Variants in CSMD3 observed in about 807,000 individuals in gnomAD.
CSMD3 encodes CUB and sushi domain-containing protein 3.
CSMD3 carries 177 observed loss-of-function variants against 435.2 expected under a neutral mutation model. The ratio of observed to expected loss-of-function variants is 0.41; its 90% CI spans 0.36 to 0.46. The LOEUF (loss-of-function observed/expected upper bound fraction) is 0.46. CSMD3 is among the 20% of genes least tolerant of loss of function. The pLI, the probability that CSMD3 is intolerant of heterozygous loss-of-function variation, is 0.34. For synonymous variants in CSMD3, 1,656 were observed against 1,520.5 expected (o/e 1.09, Z -2.07); for missense variants, 4,265 against 4,504.6 (o/e 0.95, Z 1.52).
chr8:112,621,708 T>A (rs923603150), intron 22 of CSMD3, among the ~76,000 whole-genome samples: 3 of 152,184 alleles, frequency 2.0e-5, no homozygotes, highest in Non-Finnish European at 4.4e-5. Context: ...CTCTTCTCAG[T>A]CTCCTTTGCT....
At chr8:113,416,886 T>A (rs2094584124) in intron 1 of CSMD3, among the ~76,000 whole-genome samples, 2 of 152,102 alleles carry the variant, frequency 1.3e-5, no homozygotes, top group Admixed American at 1.3e-4. Flanking sequence ...AAAGCCGTCA[T>A]AAACTGACAT....
intron 5 of CSMD3, among the ~76,000 whole-genome samples, chr8:113,027,579 T>C (rs2086921255): frequency 6.6e-6 from 1 of 152,146 alleles, no homozygotes; most frequent in Admixed American, 6.5e-5. Context: ...GACACAGAAT[T>C]CTGCATGGTT....
chr8:112,263,520 TA>T, intron 61 of CSMD3, 118 bp downstream of exon 61: 1 of 788,508 alleles, frequency 1.3e-6, no homozygotes, highest in Non-Finnish European at 2.1e-6. Context: ...GCTACATTGG[TA>T]AATACTGATT....
At chr8:113,285,515 T>A (rs2093640533) in intron 2 of CSMD3, among the ~76,000 whole-genome samples, 2 of 152,126 alleles carry the variant, frequency 1.3e-5, no homozygotes, top group South Asian at 4.1e-4. Context: ...TGCCTCGGCC[T>A]CCCAAAGTGC....
chr8:113,238,033 C>T (rs1354294649), intron 3 of CSMD3, among the ~76,000 whole-genome samples: 1 of 147,650 alleles, frequency 6.8e-6, no homozygotes, highest in African/African-American at 2.5e-5. Flanking sequence ...AGATATCACA[C>T]CATTGCACTC....
In CSMD3 at chr8:112,790,513, T is replaced by C. The variant is rs115015731; in HGVS notation, c.1972+9649A>G. Among the ~76,000 whole-genome samples the C allele has an allele frequency of 3.2e-3, 491 of 152,248 alleles. 1 individual carries two copies. The highest frequency in any genetic ancestry group is 0.011 in the African/African-American group (464 of 41,562). On this transcript the variant is annotated intron_variant, in intron 13 of 70. Transcript: ENST00000297405. ...GGTTGATTATAATGAATTTTCACTT[T>C]GTACAACTTTGCATAAGCCTGAGTA...
intron 1 of CSMD3, among the ~76,000 whole-genome samples, chr8:113,395,952 T>C (rs1302263097): frequency 6.6e-6 from 1 of 152,194 alleles, no homozygotes; most frequent in Non-Finnish European, 1.5e-5. Flanking sequence ...TTTGATATCA[T>C]CCATTCCTTC....
At chr8:113,296,800 C>A (rs192222315) in intron 2 of CSMD3, among the ~76,000 whole-genome samples, 30 of 152,160 alleles carry the variant, frequency 2.0e-4, no homozygotes, top group African/African-American at 7.0e-4. Flanking sequence ...AACCAGCCAA[C>A]ATTGTCTCTA....
intron 8 of CSMD3, among the ~76,000 whole-genome samples, chr8:112,951,642 C>T (rs555446821): frequency 2.6e-5 from 4 of 151,848 alleles, no homozygotes; most frequent in African/African-American, 9.6e-5. Flanking sequence ...AATTTAGCTT[C>T]CCTATAAAAT....
chr8:112,921,676 C>T lies in CSMD3; in HGVS notation c.1584G>A (p.Arg528=), dbSNP rs146463487. 1.2e-6 allele frequency: 2 copies of T among 1,612,694 alleles called. No homozygotes were observed. The highest frequency in any genetic ancestry group is 1.7e-6 in the Non-Finnish European group (2 of 1,178,938). ...LQGAKSITCQ[R]IAEVFAAWSD... Reference sequence around the variant, plus strand: ...TCCAAGCAGCAAAAACTTCAGCTATCCGTTGACAGGTGATGCTCTTTGCGC... The same window carrying T: ...TCCAAGCAGCAAAAACTTCAGCTATTCGTTGACAGGTGATGCTCTTTGCGC... Residue 528 remains arginine (R), a synonymous_variant, in exon 10 of 71, where the codon CGG becomes CGA. Transcript: ENST00000297405.
intron 32 of CSMD3, among the ~76,000 whole-genome samples, chr8:112,416,817 C>A (rs1226721117): frequency 2.0e-5 from 3 of 151,518 alleles, no homozygotes; most frequent in Non-Finnish European, 4.4e-5. Flanking sequence ...AAAAAAAAAA[C>A]TGAGACTTAG....
intron 3 of CSMD3, among the ~76,000 whole-genome samples, chr8:113,239,506 CT>C (rs147247100): frequency 1.3e-3 from 190 of 147,946 alleles, no homozygotes; most frequent in African/African-American, 4.6e-3. Flanking sequence ...TTTTATCTAT[CT>C]ATCTATCTAT....
At chr8:112,373,976 T>C (rs1317431434) in intron 38 of CSMD3, among the ~76,000 whole-genome samples, 2 of 152,192 alleles carry the variant, frequency 1.3e-5, no homozygotes, top group Non-Finnish European at 2.9e-5. Flanking sequence ...TTATTCAACC[T>C]GTTCTTAGCA....
At chr8:113,029,113 C>T (rs1437948195) in intron 5 of CSMD3, among the ~76,000 whole-genome samples, 1 of 150,722 alleles carries the variant, frequency 6.6e-6, no homozygotes, top group Admixed American at 6.6e-5. Flanking sequence ...AATCCTAGAG[C>T]CCTTACAAAT....
chr8:112,560,454 G>A (rs1275460504), intron 24 of CSMD3, among the ~76,000 whole-genome samples: 1 of 151,604 alleles, frequency 6.6e-6, no homozygotes, highest in Non-Finnish European at 1.5e-5. Flanking sequence ...GATTGAATGT[G>A]GATTCTTAGA....
chr8:112,678,554 G>C (rs1182682976), intron 16 of CSMD3, among the ~76,000 whole-genome samples: 2 of 152,080 alleles, frequency 1.3e-5, no homozygotes, highest in Non-Finnish European at 2.9e-5. Flanking sequence ...AAGAAAGAAA[G>C]CCAAGTAATG....
chr8:113,376,893 G>A, intron 1 of CSMD3: 1 of 1,603,876 alleles, frequency 6.2e-7, no homozygotes, highest in Non-Finnish European at 8.5e-7. Flanking sequence ...TTCCTGGCCG[G>A]GAAAACAAAA....
intron 13 of CSMD3, among the ~76,000 whole-genome samples, chr8:112,755,592 T>C (rs1318158012): frequency 6.6e-6 from 1 of 150,386 alleles, no homozygotes; most frequent in Non-Finnish European, 1.5e-5. Flanking sequence ...CCTTTATAAA[T>C]TACCCAGTCT....
chr8:112,944,868 CTT>C (rs1180289650), intron 9 of CSMD3, among the ~76,000 whole-genome samples: 2 of 151,442 alleles, frequency 1.3e-5, no homozygotes, highest in South Asian at 2.1e-4. Context: ...CACAAGTTCT[CTT>C]GTCTTTCTAC....
Sources: allele counts gnomAD v4.1 joint callset (sites outside exome capture counted in the v4.1 genomes callset), GRCh38; gene constraint gnomAD v4.1.1; transcripts MANE v1.5; gene names NCBI Gene and HGNC (gene_info 2026-07-23, HGNC 2026-07-21).